The following LRRD1 variants were observed in gnomAD, a reference collection of about 807,000 sequenced individuals.
LRRD1 encodes the protein leucine-rich repeat and death domain-containing protein 1.
LRRD1 carries 49 observed loss-of-function variants against 69.5 expected under a neutral mutation model. The observed-to-expected ratio is 0.70, with a 90% CI of 0.56 to 0.89. LRRD1 has a LOEUF of 0.89. Among genes scored for constraint, LRRD1 ranks in the 40% least tolerant of loss-of-function variants. LRRD1 has a pLI of 0.00. For missense variants in LRRD1, 853 were observed against 956.0 expected (o/e 0.89, Z 1.42); for synonymous variants, 303 against 338.9 (o/e 0.89, Z 1.16).
At chr7:92,170,195 CAAAA>C in intron 1 of LRRD1, among the ~76,000 whole-genome samples, 1 of 149,692 alleles carries the variant, frequency 6.7e-6, no homozygotes, top group Middle Eastern at 3.4e-3. Flanking sequence ...AGAAAGTACT[CAAAA>C]AAAGAGAAAA....
intron 1 of LRRD1, among the ~76,000 whole-genome samples, chr7:92,172,741 T>C (rs1044256814): frequency 1.3e-5 from 2 of 152,146 alleles, no homozygotes; most frequent in Non-Finnish European, 2.9e-5. Flanking sequence ...GAAGAATCAG[T>C]ATTGTTAAAA....
intron 3 of LRRD1, among the ~76,000 whole-genome samples, chr7:92,155,608 G>T (rs991825599): frequency 1.3e-5 from 2 of 151,682 alleles, no homozygotes; most frequent in African/African-American, 4.8e-5. Flanking sequence ...TAATAGGATA[G>T]ATATATATAT....
At position 92,150,715 on chromosome 7, in the gene LRRD1, A is replaced by G; in HGVS notation, c.2117-20T>C. The G allele has an allele frequency of 6.8e-7, 1 of 1,473,008 alleles. No homozygotes were observed. The allele number at this position is 1,473,008 out of a possible 1,614,324, so 91.2% of individuals were successfully genotyped here. ...TATTTCCTAGTAGAAAAAAATTAGA[A>G]TTGAATTACATCTTTCTATAAAAGA... On this transcript the variant is annotated intron_variant, in intron 3 of 5. Coordinates refer to ENST00000458448, the MANE Select transcript of LRRD1 (RefSeq NM_001161528.2).
chr7:92,174,793 G>A (rs961837527), intron 1 of LRRD1, among the ~76,000 whole-genome samples: 1 of 151,894 alleles, frequency 6.6e-6, no homozygotes, highest in African/African-American at 2.4e-5. Context: ...TGGGCGTGGT[G>A]GCTCACACCT....
chr7:92,172,324 T>C (rs1285070461), intron 1 of LRRD1, among the ~76,000 whole-genome samples: 3 of 152,166 alleles, frequency 2.0e-5, no homozygotes, highest in Non-Finnish European at 4.4e-5. Context: ...TTCAACATAA[T>C]GCTGGAAGTC....
intron 1 of LRRD1, among the ~76,000 whole-genome samples, chr7:92,173,498 G>GA (rs1167437313): frequency 2.0e-5 from 3 of 151,444 alleles, no homozygotes. Context: ...AACTTAAAAG[G>GA]AAAAAAAATC....
chr7:92,146,295 A>G (rs765824984), intron 4 of LRRD1, 95 bp from the exon 5 acceptor site: 17 of 642,716 alleles, frequency 2.6e-5, no homozygotes, highest in East Asian at 5.8e-5. Flanking sequence ...CTGTGCTTCT[A>G]TGAAATATAT....
chr7:92,164,675 G>C lies in LRRD1; in HGVS notation c.528C>G (p.Ile176Met), dbSNP rs950704333. 1.3e-6 allele frequency: 2 copies of C among 1,551,298 alleles called. No individual in the cohort carries two copies. The highest frequency in any genetic ancestry group is 2.7e-5 in the African/African-American group (2 of 73,038). Reference protein sequence around the residue: ...VKYLYLDKNQIKTFQGADSGD... With the variant: ...VKYLYLDKNQMKTFQGADSGD... ...CTGAGTCTGCCCCTTGAAATGTTTT[G>C]ATTTGATTCTTGTCTAAATATAGAT... The change falls in exon 2 of 6, where the codon ATC (isoleucine) becomes ATG (methionine). Residue 176 changes from isoleucine (I) to methionine (M), a missense_variant. Ile to Met is a conservative substitution (Grantham distance 10). Around this residue, in one of 3 missense-constraint regions of LRRD1, gnomAD observed 739 missense variants for 808.0 expected, o/e 0.91. Transcript: ENST00000458448.
chr7:92,142,661 A>T (rs1487428136), downstream of LRRD1: 1 of 408,472 alleles, frequency 2.4e-6, no homozygotes, highest in East Asian at 7.1e-5. Flanking sequence ...TGATGTTCGG[A>T]TGTGTTCGGA....
rs1422293653 is a variant in LRRD1, at chr7:92,164,385, G to T, written c.818C>A (p.Pro273Gln). The T allele has an allele frequency of 2.6e-6, 4 of 1,548,840 alleles. No homozygotes were observed. Among genetic ancestry groups the T allele is most frequent in the Admixed American group, 2.0e-5 (1 of 50,344 alleles). Residue 273 changes from proline (P) to glutamine (Q), a missense_variant, in exon 2 of 6, where the codon CCA becomes CAA. Pro to Gln is a moderately conservative substitution (Grantham distance 76). Coordinates refer to ENST00000458448, the MANE Select transcript of LRRD1 (RefSeq NM_001161528.2). ...GGTTTTTAAACTAGGCAGAGTATCTGGTATATGTCTTAACTTATTTTTACC... is the reference window on the plus strand; with the variant it reads ...GGTTTTTAAACTAGGCAGAGTATCTTGTATATGTCTTAACTTATTTTTACC... Reference protein sequence around the residue: ...SLGKNKLRHIPDTLPSLKTLR... With the variant: ...SLGKNKLRHIQDTLPSLKTLR...
downstream of LRRD1, chr7:92,142,921 T>C: frequency 3.1e-6 from 1 of 318,520 alleles, no homozygotes; most frequent in Non-Finnish European, 6.2e-6. Flanking sequence ...AGAACAATGC[T>C]TCCGCAGTGT....
rs1326330569 is a variant in LRRD1, at chr7:92,164,798, T to C, written c.405A>G (p.Lys135=). Residue 135 remains lysine, a synonymous_variant, in exon 2 of 6, where the codon AAA becomes AAG. Transcript: ENST00000458448. ...AGTTATCTGCCCCTAGGCCAAGTTG[T>C]TTCTGATTTTCTTCAGAGACTTGTG... is the stretch of plus-strand genomic sequence containing the variant. ...VSPQVSEENQ[K]QLGLGADNFT... is the part of the protein sequence containing the mutation. 1 of 1,551,620 alleles carries C rather than the reference T, an allele frequency of 6.4e-7. No homozygotes were observed. The highest frequency in any genetic ancestry group is 8.7e-7 in the Non-Finnish European group (1 of 1,146,934).
intron 3 of LRRD1, among the ~76,000 whole-genome samples, chr7:92,151,515 T>C (rs1820466041): frequency 6.6e-6 from 1 of 152,226 alleles, no homozygotes; most frequent in Non-Finnish European, 1.5e-5. Context: ...TTCTCCAAGA[T>C]AATGTTATAA....
chr7:92,154,910 A>G (rs544145997), intron 3 of LRRD1, among the ~76,000 whole-genome samples: 8 of 152,332 alleles, frequency 5.3e-5, no homozygotes, highest in Admixed American at 4.6e-4. Flanking sequence ...ACATCTGTTC[A>G]TGTCTTTCAC....
At chr7:92,176,490 G>A (rs1584665087) in intron 1 of LRRD1, among the ~76,000 whole-genome samples, 2 of 151,814 alleles carry the variant, frequency 1.3e-5, no homozygotes, top group East Asian at 1.9e-4. Flanking sequence ...AAGTGGAATA[G>A]TAGAGATAAT....
intron 3 of LRRD1, among the ~76,000 whole-genome samples, 196 bp downstream of exon 3, chr7:92,158,809 C>G (rs1788734599): frequency 6.6e-6 from 1 of 152,124 alleles, no homozygotes; most frequent in Non-Finnish European, 1.5e-5. Context: ...TTCAGGCTCT[C>G]CTACTCTTTC....
intron 4 of LRRD1, 133 bp from the exon 5 acceptor site, chr7:92,146,333 G>A (rs1820322426): frequency 1.8e-6 from 1 of 546,898 alleles, no homozygotes; most frequent in Non-Finnish European, 3.1e-6. Flanking sequence ...AAATGACAAT[G>A]CTGGCCGGGC....
intron 1 of LRRD1, among the ~76,000 whole-genome samples, chr7:92,176,944 G>GTGTA (rs1334769590): frequency 7.0e-6 from 1 of 142,550 alleles, no homozygotes; most frequent in African/African-American, 2.6e-5. Flanking sequence ...GTTTGTGTGT[G>GTGTA]TATATATATA....
chr7:92,168,880 A>G (rs1788986659), intron 1 of LRRD1, among the ~76,000 whole-genome samples: 1 of 152,156 alleles, frequency 6.6e-6, no homozygotes, highest in Non-Finnish European at 1.5e-5. Flanking sequence ...CAAGATGGTA[A>G]TATGTGAACT....
Sources: gnomAD v4.1 joint callset for allele counts (sites outside exome capture counted in the v4.1 genomes callset) on GRCh38, gnomAD v4.1.1 for gene constraint, gnomAD v4.1.1 regional missense constraint, MANE v1.5 for transcripts, NCBI Gene and HGNC (gene_info 2026-07-23, HGNC 2026-07-21) for gene names.